The following TMEM182 variants were observed in gnomAD, a reference collection of about 807,000 sequenced individuals.
TMEM182 encodes transmembrane protein 182.
In TMEM182, 20 loss-of-function variants were observed where a neutral mutation model predicts 26.8. That is an observed-to-expected ratio of 0.75 (90% CI 0.53 to 1.09). The LOEUF is 1.09. Ranked by LOEUF, TMEM182 falls within the 50% of genes least tolerant of loss-of-function variation. The pLI, the probability that TMEM182 is intolerant of heterozygous loss-of-function variation, is 0.00. For synonymous variants in TMEM182, 109 were observed against 102.2 expected (o/e 1.07, Z -0.40); for missense variants, 277 against 275.5 (o/e 1.01, Z -0.04).
upstream of TMEM182, among the ~76,000 whole-genome samples, chr2:102,761,568 G>A (rs977574209): frequency 4.6e-5 from 7 of 152,146 alleles, no homozygotes; most frequent in South Asian, 1.0e-3. Flanking sequence ...GATTATAAAC[G>A]TGAACTGTAC....
chr2:102,754,137 G>A (rs1037760306), intron 1 of TMEM182, among the ~76,000 whole-genome samples: 5 of 152,066 alleles, frequency 3.3e-5, no homozygotes, highest in Admixed American at 6.6e-5. Context: ...ATTGTTCTTC[G>A]GGTCATCTCT....
intron 3 of TMEM182, among the ~76,000 whole-genome samples, chr2:102,837,235 G>GT (rs1057022500): frequency 3.1e-4 from 47 of 151,164 alleles, no homozygotes; most frequent in East Asian, 1.7e-3. Context: ...AAGTTTGTGG[G>GT]TTTTTTTTTG....
At chr2:102,767,051 C>G (rs1680481935) in intron 3 of TMEM182, among the ~76,000 whole-genome samples, 1 of 152,156 alleles carries the variant, frequency 6.6e-6, no homozygotes, top group African/African-American at 2.4e-5. Context: ...AAGTCTCTGG[C>G]TTTTGTTTCA....
intron 2 of TMEM182, 36 bp from the exon 3 acceptor site, chr2:102,764,293 C>T (rs1035558681): frequency 1.9e-6 from 3 of 1,599,820 alleles, no homozygotes; most frequent in Non-Finnish European, 1.7e-6. Context: ...CTGAGCTTTT[C>T]AATAACAAGT....
intron 1 of TMEM182, among the ~76,000 whole-genome samples, chr2:102,743,742 A>G (rs1177437623): frequency 6.6e-6 from 1 of 152,188 alleles, no homozygotes; most frequent in Non-Finnish European, 1.5e-5. Context: ...TAAATATAAA[A>G]CATATTAAAA....
At chr2:102,740,066 A>G (rs1679500055) in intron 1 of TMEM182, among the ~76,000 whole-genome samples, 1 of 152,190 alleles carries the variant, frequency 6.6e-6, no homozygotes, top group Non-Finnish European at 1.5e-5. Context: ...TTCAAAATAA[A>G]TGAAATATAA....
chr2:102,767,359 T>C lies in TMEM182; in HGVS notation c.331+2932T>C, dbSNP rs549147216. On this transcript the variant is annotated intron_variant, in intron 3 of 4. Coordinates refer to ENST00000412401, the MANE Select transcript of TMEM182 (RefSeq NM_144632.5). ...CACAGAATTGCTTTTGAGGTAGGCT[T>C]GTGTACTTCTAAGTGCATTAAACAA... 2.2e-4 allele frequency among the ~76,000 whole-genome samples: 33 copies of C among 152,284 alleles called. 1 individual carries two copies. Among genetic ancestry groups the C allele is most frequent in the African/African-American group, 7.2e-4 (30 of 41,562 alleles).
chr2:102,782,391 AT>A (rs1249852231), intron 3 of TMEM182, among the ~76,000 whole-genome samples: 1 of 152,146 alleles, frequency 6.6e-6, no homozygotes, highest in African/African-American at 2.4e-5. Flanking sequence ...TAGAAAAATA[AT>A]TTTTATTTGC....
At position 102,815,415 on chromosome 2, in the gene TMEM182, A is replaced by T. The variant is rs1349897637; in HGVS notation, c.*447A>T. The T allele has an allele frequency of 1.0e-6, 1 of 996,510 alleles. No individual in the cohort carries two copies. Among genetic ancestry groups the T allele is most frequent in the African/African-American group, 1.7e-5 (1 of 57,304 alleles). 61.7% of individuals were successfully genotyped at this position (996,510 alleles called of 1,614,324 possible). On this transcript the variant is annotated 3_prime_UTR_variant, in exon 5 of 5. Transcript: ENST00000412401. ...TTTATTTTGTTTCTTGCCCACACAG[A>T]TAATATCCACATACACATTCACTGG...
chr2:102,796,446 G>A (rs1285982839), intron 3 of TMEM182, among the ~76,000 whole-genome samples: 1 of 152,172 alleles, frequency 6.6e-6, no homozygotes, highest in Non-Finnish European at 1.5e-5. Context: ...TCCTGTGAAA[G>A]ATAACCTCAA....
At chr2:102,751,026 A>G (rs1345696392) in intron 1 of TMEM182, among the ~76,000 whole-genome samples, 1 of 151,982 alleles carries the variant, frequency 6.6e-6, no homozygotes, top group Non-Finnish European at 1.5e-5. Flanking sequence ...ATGCTCAGAG[A>G]TTTCTCTGGT....
At chr2:102,834,328 C>T (rs541991868) in intron 3 of TMEM182, 22 of 936,380 alleles carry the variant, frequency 2.3e-5, no homozygotes, top group Middle Eastern at 5.5e-4. Context: ...TCTTAGGACT[C>T]GTCTGTTTTT....
Position 102,762,688 on chromosome 2 carries a change from T to TA in TMEM182, c.232+4dup, listed in dbSNP as rs746048191. The stretch of plus-strand genomic sequence containing the variant: ...CCAATATTTGGAAGTTCTGGTACAG[T>TA]AAGTACAATTTAGCTTTATTTTCCC... On this transcript the variant is annotated splice_region_variant and intron_variant, in intron 2 of 4. Coordinates refer to ENST00000412401, the MANE Select transcript of TMEM182 (RefSeq NM_144632.5). 3 of 1,610,230 alleles carry TA rather than the reference T, an allele frequency of 1.9e-6. No individual in the cohort carries two copies. Among genetic ancestry groups the TA allele is most frequent in the Non-Finnish European group, 2.5e-6 (3 of 1,177,344 alleles).
chr2:102,797,694 A>T, intron 3 of TMEM182, 169 bp from the exon 4 acceptor site: 3 of 727,706 alleles, frequency 4.1e-6, no homozygotes, highest in Non-Finnish European at 6.4e-6. Flanking sequence ...TTCCAAGGTC[A>T]TCTGATAAGA....
Position 102,815,056 on chromosome 2 carries a change from G to A in TMEM182, c.*88G>A. On this transcript the variant is annotated 3_prime_UTR_variant, in exon 5 of 5. Coordinates refer to ENST00000412401, the MANE Select transcript of TMEM182 (RefSeq NM_144632.5). ...TTTGTTTCATTGATCCCAGCATAAAGTTAGTAGATATAACTTTTTAGTTGC... is the reference window on the plus strand; with the variant it reads ...TTTGTTTCATTGATCCCAGCATAAAATTAGTAGATATAACTTTTTAGTTGC... The A allele has an allele frequency of 6.6e-7, 1 of 1,513,062 alleles. No individual in the cohort carries two copies. The highest frequency in any genetic ancestry group is 8.8e-7 in the Non-Finnish European group (1 of 1,134,844). 93.7% of individuals were successfully genotyped at this position (1,513,062 alleles called of 1,614,324 possible).
intron 3 of TMEM182, among the ~76,000 whole-genome samples, chr2:102,784,290 T>G (rs1248678574): frequency 6.6e-6 from 1 of 151,926 alleles, no homozygotes; most frequent in East Asian, 1.9e-4. Context: ...TTTTACCACT[T>G]AAGAAAAAAG....
At chr2:102,818,452 G>A (rs1346497434), downstream of TMEM182, among the ~76,000 whole-genome samples, 2 of 152,198 alleles carry the variant, frequency 1.3e-5, no homozygotes, top group Admixed American at 1.3e-4. Flanking sequence ...TCCAGTTACA[G>A]ATTAGACTTT....
chr2:102,836,061 A>G (rs1171434852), intron 3 of TMEM182, among the ~76,000 whole-genome samples: 1 of 152,112 alleles, frequency 6.6e-6, no homozygotes, highest in African/African-American at 2.4e-5. Flanking sequence ...ATTTCTTGTC[A>G]TGGCTTGATA....
intron 3 of TMEM182, among the ~76,000 whole-genome samples, chr2:102,766,200 G>A (rs1219685767): frequency 6.6e-6 from 1 of 152,172 alleles, no homozygotes; most frequent in African/African-American, 2.4e-5. Context: ...TGCACTTCAA[G>A]GAGATAGTGG....
Sources: gnomAD v4.1 joint callset for allele counts (sites outside exome capture counted in the v4.1 genomes callset) on GRCh38, gnomAD v4.1.1 for gene constraint, MANE v1.5 for transcripts, NCBI Gene and HGNC (gene_info 2026-07-23, HGNC 2026-07-21) for gene names.